Variants in AKT3 observed in about 807,000 individuals in gnomAD.
AKT3 encodes the protein AKT serine/threonine kinase 3.
Under a neutral mutation model 65.3 loss-of-function variants are expected in AKT3, and 15 were observed. The ratio of observed to expected loss-of-function variants is 0.23; its 90% CI spans 0.15 to 0.35. The LOEUF is 0.35. AKT3 is among the 10% of genes least tolerant of loss of function. The pLI is 1.00. For missense variants in AKT3, 243 were observed against 576.5 expected (o/e 0.42, Z 5.92); for synonymous variants, 206 against 183.8 (o/e 1.12, Z -0.98).
chr1:243,803,562 A>G (rs992351721), intron 2 of AKT3, among the ~76,000 whole-genome samples: 1 of 152,212 alleles, frequency 6.6e-6, no homozygotes, highest in Admixed American at 6.5e-5. Context: ...GCAATCAAAG[A>G]CTAATTCCTT....
intron 2 of AKT3, among the ~76,000 whole-genome samples, chr1:243,812,934 T>C (rs1401544567): frequency 2.0e-5 from 3 of 146,410 alleles, no homozygotes; most frequent in East Asian, 2.1e-4. Context: ...AAACCAAACA[T>C]CGCATGTTCT....
chr1:243,637,204 T>C (rs981711049), intron 6 of AKT3, among the ~76,000 whole-genome samples: 1 of 152,108 alleles, frequency 6.6e-6, no homozygotes, highest in African/African-American at 2.4e-5. Context: ...CAAATCTATT[T>C]AGGATGTTTT....
At chr1:243,706,289 C>T (rs1230508764) in intron 2 of AKT3, among the ~76,000 whole-genome samples, 11 of 152,170 alleles carry the variant, frequency 7.2e-5, no homozygotes, top group Admixed American at 7.2e-4. Flanking sequence ...ATGGTTCAAT[C>T]CACTTTTCTG....
intron 12 of AKT3, among the ~76,000 whole-genome samples, chr1:243,544,549 T>C (rs1430375206): frequency 2.6e-5 from 4 of 151,606 alleles, no homozygotes; most frequent in Non-Finnish European, 4.4e-5. Flanking sequence ...CCTGGGGAGG[T>C]AGAGGCTGCT....
intron 12 of AKT3, among the ~76,000 whole-genome samples, chr1:243,538,184 A>T (rs1672061026): frequency 6.6e-6 from 1 of 152,204 alleles, no homozygotes; most frequent in Non-Finnish European, 1.5e-5. Flanking sequence ...AATAGCCTAA[A>T]GAATAGATGG....
intron 3 of AKT3, among the ~76,000 whole-genome samples, chr1:243,672,902 T>G (rs1683247746): frequency 6.6e-6 from 1 of 152,240 alleles, no homozygotes; most frequent in Admixed American, 6.5e-5. Context: ...GCATACTTTC[T>G]GCCTACTTGA....
intron 4 of AKT3, among the ~76,000 whole-genome samples, chr1:243,654,746 T>C (rs1681633525): frequency 6.6e-6 from 1 of 152,242 alleles, no homozygotes; most frequent in African/African-American, 2.4e-5. Context: ...TATTCCATTA[T>C]TTGGGAACAT....
chr1:243,739,337 A>T (rs568830849), intron 2 of AKT3, among the ~76,000 whole-genome samples: 3 of 152,310 alleles, frequency 2.0e-5, no homozygotes, highest in African/African-American at 7.2e-5. Flanking sequence ...TGAACTCAAA[A>T]TCCAGTGTGA....
intron 4 of AKT3, among the ~76,000 whole-genome samples, chr1:243,661,626 A>G (rs949595541): frequency 1.6e-4 from 24 of 152,054 alleles, no homozygotes; most frequent in African/African-American, 5.8e-4. Flanking sequence ...AGGCATTACC[A>G]TTCAGGACAT....
intron 2 of AKT3, among the ~76,000 whole-genome samples, chr1:243,805,714 T>C (rs530396891): frequency 6.6e-6 from 1 of 152,202 alleles, no homozygotes; most frequent in Non-Finnish European, 1.5e-5. Flanking sequence ...TTCAATGACA[T>C]TATAATCCAT....
intron 13 of AKT3, chr1:243,489,178 G>A: frequency 6.2e-7 from 1 of 1,606,832 alleles, no homozygotes; most frequent in Non-Finnish European, 8.5e-7. Flanking sequence ...GAGTCCTTGG[G>A]CGGGCGTCTA....
chr1:243,685,026 A>G (rs1572167271), intron 3 of AKT3, among the ~76,000 whole-genome samples: 1 of 151,958 alleles, frequency 6.6e-6, no homozygotes, highest in South Asian at 2.1e-4. Context: ...AGATTTGTTT[A>G]AGTTCCTTGT....
At chr1:243,750,431 A>ACACACG (rs796482452) in intron 2 of AKT3, among the ~76,000 whole-genome samples, 10 of 147,450 alleles carry the variant, frequency 6.8e-5, no homozygotes, top group African/African-American at 2.5e-4. Context: ...ACACACACAC[A>ACACACG]CACGCACGCA....
intron 2 of AKT3, chr1:243,740,857 T>C (rs534274580): frequency 2.0e-5 from 3 of 152,192 alleles, no homozygotes; most frequent in Non-Finnish European, 4.4e-5. Context: ...GTATCTGGTA[T>C]TGTACAAAGG....
chr1:243,731,726 A>C (rs1009050318), intron 2 of AKT3, among the ~76,000 whole-genome samples: 2 of 152,236 alleles, frequency 1.3e-5, no homozygotes, highest in African/African-American at 4.8e-5. Context: ...AGTAAGCTCA[A>C]GTCAGTAAGC....
chr1:243,695,801 T>C, intron 2 of AKT3, 85 bp from the exon 3 acceptor site: 1 of 1,248,860 alleles, frequency 8.0e-7, no homozygotes, highest in Non-Finnish European at 1.0e-6. Flanking sequence ...ACAATATATG[T>C]CCTACAACAC....
chr1:243,762,900 T>C (rs1689577798), intron 2 of AKT3, among the ~76,000 whole-genome samples: 1 of 152,026 alleles, frequency 6.6e-6, no homozygotes, highest in Admixed American at 6.6e-5. Context: ...GTAGAAAATA[T>C]TTTAACAACT....
chr1:243,693,246 A>ATATT (rs1390360663), intron 3 of AKT3, among the ~76,000 whole-genome samples: 13 of 24,100 alleles, frequency 5.4e-4, no homozygotes, highest in Admixed American at 2.9e-3. Flanking sequence ...ACAATTTGAT[A>ATATT]TATATATATA....
At chr1:243,715,467 A>AG (rs1424476577) in intron 2 of AKT3, among the ~76,000 whole-genome samples, 3 of 152,094 alleles carry the variant, frequency 2.0e-5, no homozygotes, top group Non-Finnish European at 4.4e-5. Flanking sequence ...GTTTCGACAT[A>AG]GACAGATGTT....
Sources: allele counts gnomAD v4.1 joint callset (sites outside exome capture counted in the v4.1 genomes callset), GRCh38; gene constraint gnomAD v4.1.1; transcripts MANE v1.5; gene names NCBI Gene and HGNC (gene_info 2026-07-23, HGNC 2026-07-21).